Variants in LPIN1 observed in about 807,000 individuals in gnomAD.
The protein encoded by LPIN1 is lipin 1, also known as phosphatidate phosphatase LPIN1.
Under a neutral mutation model 107.5 loss-of-function variants are expected in LPIN1, and 71 were observed. That is an observed-to-expected ratio of 0.66 (90% confidence interval 0.55 to 0.80). The LOEUF (loss-of-function observed/expected upper bound fraction) is 0.80. Among genes scored for constraint, LPIN1 ranks in the 30% least tolerant of loss-of-function variants. LPIN1 has a pLI of 0.00. For synonymous variants in LPIN1, 445 were observed against 452.6 expected (o/e 0.98, Z 0.21); for missense variants, 1,043 against 1,160.6 (o/e 0.90, Z 1.47).
intron 18 of LPIN1, chr2:11,817,514 G>T (rs1222261261): frequency 1.3e-5 from 2 of 152,194 alleles, no homozygotes; most frequent in African/African-American, 4.8e-5. Context: ...TGAAGGTGTT[G>T]CTTTCACATT....
chr2:11,782,582 C>T, intron 8 of LPIN1, 75 bp downstream of exon 8: 1 of 1,554,940 alleles, frequency 6.4e-7, no homozygotes, highest in Non-Finnish European at 8.8e-7. Context: ...AGGTCCTTTC[C>T]AAAGTTCCAA....
At chr2:11,723,073 A>T (rs192525697), upstream of LPIN1, among the ~76,000 whole-genome samples, 71 of 152,328 alleles carry the variant, frequency 4.7e-4, no homozygotes, top group Non-Finnish European at 4.1e-4. Context: ...AAAGAAAAAA[A>T]ATCTCTTCCC....
rs781748056 is a variant in LPIN1 at position 11,783,840 on chromosome 2, C to T, written c.1276C>T (p.Arg426Ter). ...ATTTGCCGTTTTAGATAAACGAAGC[C>T]GACATCTTGGTGCTGACGGCGTCTA... Reference protein sequence around the residue: ...SPSRKRDKRSRHLGADGVYLD... With the variant: ...SPSRKRDKRS The change falls in exon 9 of 21, where the codon CGA (arginine) becomes TGA (stop). Residue 426 changes from arginine (R) to a stop codon, truncating the protein, a stop_gained. Transcript: ENST00000674199. LOFTEE classifies it high-confidence loss of function. 9.9e-6 allele frequency: 16 copies of T among 1,613,940 alleles called. No individual in the cohort carries two copies. Among genetic ancestry groups the T allele is most frequent in the South Asian group, 3.3e-5 (3 of 91,080 alleles).
At chr2:11,802,821 C>T (rs946206470) in intron 14 of LPIN1, 86 bp from the exon 15 acceptor site, 2 of 1,502,336 alleles carry the variant, frequency 1.3e-6, no homozygotes, top group South Asian at 1.1e-5. Context: ...ACTGGATTGA[C>T]TTAGTCATTG....
intron 20 of LPIN1, 64 bp downstream of exon 20, chr2:11,820,578 C>T: frequency 8.1e-7 from 1 of 1,229,382 alleles, no homozygotes; most frequent in Non-Finnish European, 1.2e-6. Context: ...ACGGTGCTTC[C>T]CAGTTTGCGG....
Position 11,771,263 on chromosome 2 carries a change from C to T in LPIN1, c.289-109C>T, listed in dbSNP as rs1447640792. ...AGCTGGGCCATCTGCTGTGGCCCTCCCCAGGAGGTGCTTGGCCTCTGAAGT... is the reference window on the plus strand; with the variant it reads ...AGCTGGGCCATCTGCTGTGGCCCTCTCCAGGAGGTGCTTGGCCTCTGAAGT... On this transcript the variant is annotated intron_variant, in intron 3 of 20. Coordinates refer to ENST00000674199, the MANE Select transcript of LPIN1 (RefSeq NM_001349206.2). The surrounding 1 kb of genome is among the most constrained non-coding windows in gnomAD (Gnocchi z 4.8). The T allele has an allele frequency of 9.2e-6, 10 of 1,091,572 alleles. 1 individual carries two copies. The highest frequency in any genetic ancestry group is 3.9e-5 in the South Asian group (3 of 76,238). 67.6% of individuals were successfully genotyped at this position (1,091,572 alleles called of 1,614,324 possible).
At chr2:11,752,360 C>T (rs996221079) in intron 1 of LPIN1, among the ~76,000 whole-genome samples, 9 of 150,974 alleles carry the variant, frequency 6.0e-5, no homozygotes, top group Non-Finnish European at 1.3e-4. Context: ...GAATATCTCT[C>T]TCATATATTA....
chr2:11,730,041 G>A (rs1331195902), intron 1 of LPIN1, among the ~76,000 whole-genome samples: 1 of 151,530 alleles, frequency 6.6e-6, no homozygotes, highest in Non-Finnish European at 1.5e-5. Flanking sequence ...ATTTAATAAG[G>A]GTATTAATTA....
rs747835893 is a variant in LPIN1, at chr2:11,765,722, C to T, written c.181C>T (p.Arg61Ter). The T allele has an allele frequency of 2.9e-5, 46 of 1,610,292 alleles. No individual in the cohort carries two copies. Among genetic ancestry groups the T allele is most frequent in the South Asian group, 4.4e-5 (4 of 90,932 alleles). The part of the protein sequence containing the change: ...RFGKMGVLRS[R>*]EKVVDIEING... ...TGGGAAGATGGGGGTCCTGCGCTCC[C>T]GAGAGAAAGTGGTGAGCTCTCAGGG... Residue 61 changes from arginine to a stop codon, truncating the protein, a stop_gained, in exon 2 of 21, where the codon CGA becomes TGA. Coordinates refer to ENST00000674199, the MANE Select transcript of LPIN1 (RefSeq NM_001349206.2). LOFTEE classifies it high-confidence loss of function. The surrounding 1 kb of genome is among the most constrained non-coding windows in gnomAD (Gnocchi z 4.4).
chr2:11,731,747 T>C (rs1376251171), intron 1 of LPIN1, among the ~76,000 whole-genome samples: 1 of 152,210 alleles, frequency 6.6e-6, no homozygotes, highest in African/African-American at 2.4e-5. Flanking sequence ...TCCTGACTTT[T>C]TAATAATTGC....
intron 17 of LPIN1, among the ~76,000 whole-genome samples, chr2:11,811,782 C>T (rs201542994): frequency 5.3e-5 from 8 of 152,166 alleles, no homozygotes; most frequent in African/African-American, 9.7e-5. Context: ...GTCAAGAGAT[C>T]GAGACCATCC....
chr2:11,690,242 A>C (rs1290061261), intron 1 of LPIN1, among the ~76,000 whole-genome samples: 2 of 152,136 alleles, frequency 1.3e-5, no homozygotes, highest in African/African-American at 2.4e-5. Context: ...ATGGAAGACA[A>C]ATTCCTTTAG....
intron 17 of LPIN1, among the ~76,000 whole-genome samples, chr2:11,812,818 G>A (rs1679908227): frequency 6.6e-6 from 1 of 152,196 alleles, no homozygotes; most frequent in Non-Finnish European, 1.5e-5. Context: ...ACCACGTGGA[G>A]TCGGGATAGC....
At chr2:11,689,629 G>A (rs1662172385) in intron 1 of LPIN1, among the ~76,000 whole-genome samples, 1 of 152,192 alleles carries the variant, frequency 6.6e-6, no homozygotes, top group East Asian at 1.9e-4. Context: ...CCTATAGGCT[G>A]GGCATGGGGG....
At chr2:11,708,435 A>G (rs550058637) in intron 1 of LPIN1, among the ~76,000 whole-genome samples, 4 of 152,200 alleles carry the variant, frequency 2.6e-5, no homozygotes, top group South Asian at 4.1e-4. Flanking sequence ...AGTCACTGAG[A>G]TGGGAACCCT....
rs746241107 is a variant in LPIN1, at chr2:11,819,509, A to G, written c.2428A>G (p.Lys810Glu). The G allele has an allele frequency of 1.9e-6, 3 of 1,612,996 alleles. No individual in the cohort carries two copies. The highest frequency in any genetic ancestry group is 2.5e-6 in the Non-Finnish European group (3 of 1,178,908). The part of the protein sequence containing the change: ...HREVIEKKPE[K>E]FKVQCLTDIK... ...AGAAGTGATTGAAAAGAAGCCAGAAAAGTTTAAAGTCCAGTGTTTGACAGA... is the reference window on the plus strand; with the variant it reads ...AGAAGTGATTGAAAAGAAGCCAGAAGAGTTTAAAGTCCAGTGTTTGACAGA... Residue 810 changes from lysine (K) to glutamate (E), a missense_variant, in exon 19 of 21, where the codon AAG becomes GAG. By Grantham distance (56) the Lys-to-Glu change is moderately conservative. Coordinates refer to ENST00000674199, the MANE Select transcript of LPIN1 (RefSeq NM_001349206.2).
At chr2:11,810,817 T>C (rs902726679) in intron 17 of LPIN1, among the ~76,000 whole-genome samples, 1 of 152,198 alleles carries the variant, frequency 6.6e-6, no homozygotes, top group African/African-American at 2.4e-5. Context: ...AACTGCAGTC[T>C]AGAAGCTTGC....
At chr2:11,737,828 C>A (rs771393635) in intron 1 of LPIN1, among the ~76,000 whole-genome samples, 3 of 152,174 alleles carry the variant, frequency 2.0e-5, no homozygotes, top group African/African-American at 7.2e-5. Context: ...GACAGTGTAG[C>A]GATTCCTAAA....
upstream of LPIN1, chr2:11,721,949 T>C (rs2148534660): frequency 6.6e-6 from 1 of 152,382 alleles, no homozygotes; most frequent in Non-Finnish European, 1.5e-5. Context: ...CCATCATTCA[T>C]CTGTGGTTGC....
Sources: gnomAD v4.1 joint callset for allele counts (sites outside exome capture counted in the v4.1 genomes callset) on GRCh38, gnomAD v4.1.1 for gene constraint, Gnocchi (gnomAD v3.1) non-coding constraint, MANE v1.5 for transcripts, NCBI Gene and HGNC (gene_info 2026-07-23, HGNC 2026-07-21) for gene names.